The following POFUT3 variants were observed in gnomAD, a reference collection of about 807,000 sequenced individuals.
POFUT3 encodes GDP-fucose protein O-fucosyltransferase 3.
the POFUT3 span, among the ~76,000 whole-genome samples, chr8:33,386,772 C>T: frequency 1.3e-5 from 2 of 152,018 alleles, no homozygotes; most frequent in African/African-American, 2.4e-5. Context: ...ATCACGCCAC[C>T]GCACTCCAGC....
At chr8:33,371,329 A>G in the POFUT3 span, 1 of 152,248 alleles carries the variant, frequency 6.6e-6, no homozygotes, top group Non-Finnish European at 1.5e-5. Context: ...AAGCCCAGCC[A>G]GAGCTACCTA....
chr8:33,345,267 T>C, the POFUT3 span, among the ~76,000 whole-genome samples: 1 of 152,182 alleles, frequency 6.6e-6, no homozygotes, highest in Non-Finnish European at 1.5e-5. Flanking sequence ...TATAGGGTGA[T>C]TCAGACACTA....
At chr8:33,339,620 T>C in the POFUT3 span, among the ~76,000 whole-genome samples, 4 of 152,150 alleles carry the variant, frequency 2.6e-5, no homozygotes, top group Admixed American at 2.0e-4. Flanking sequence ...CATCAAGACA[T>C]ATCACATCAT....
chr8:33,399,659 T>TTTA, the POFUT3 span, among the ~76,000 whole-genome samples: 3 of 138,516 alleles, frequency 2.2e-5, no homozygotes, highest in South Asian at 5.8e-4. Context: ...CTTTTATTTA[T>TTTA]TTGTTTTTTT....
the POFUT3 span, among the ~76,000 whole-genome samples, chr8:33,393,763 T>C: frequency 6.6e-6 from 1 of 152,236 alleles, no homozygotes; most frequent in Non-Finnish European, 1.5e-5. Flanking sequence ...TTCCATGGAA[T>C]GACATTCTTG....
chr8:33,357,685 ATGCACATACACG>A, the POFUT3 span, among the ~76,000 whole-genome samples: 1 of 151,740 alleles, frequency 6.6e-6, no homozygotes, highest in Non-Finnish European at 1.5e-5. Context: ...TTTGTTGTGC[ATGCACATACACG>A]TGCACATACA....
At chr8:33,367,380 G>A in the POFUT3 span, among the ~76,000 whole-genome samples, 2,387 of 152,212 alleles carry the variant, frequency 0.016, 22 homozygotes, top group Non-Finnish European at 0.023. Flanking sequence ...CCTTTAATTC[G>A]GCCCATCCCT....
chr8:33,399,859 C>T, the POFUT3 span, among the ~76,000 whole-genome samples: 4 of 151,524 alleles, frequency 2.6e-5, no homozygotes, highest in South Asian at 2.1e-4. Flanking sequence ...TCACCATGTT[C>T]GTCAGGCTGG....
chr8:33,416,322 G>A, the POFUT3 span, among the ~76,000 whole-genome samples: 1 of 152,216 alleles, frequency 6.6e-6, no homozygotes, highest in Non-Finnish European at 1.5e-5. Flanking sequence ...AATAGTATGG[G>A]CCAGGTGCAG....
At chr8:33,397,949 A>G in the POFUT3 span, among the ~76,000 whole-genome samples, 1 of 152,236 alleles carries the variant, frequency 6.6e-6, no homozygotes, top group African/African-American at 2.4e-5. Context: ...ACTGAGTCCT[A>G]TTATTTGAAA....
At chr8:33,445,468 TA>T in the POFUT3 span, among the ~76,000 whole-genome samples, 8 of 152,156 alleles carry the variant, frequency 5.3e-5, no homozygotes, top group Admixed American at 5.2e-4. Flanking sequence ...GAATGGGTCA[TA>T]GATATGTCAC....
the POFUT3 span, among the ~76,000 whole-genome samples, chr8:33,380,050 C>CTATATATAT: frequency 2.1e-5 from 1 of 48,724 alleles, no homozygotes; most frequent in African/African-American, 1.6e-4. Context: ...GATATATATA[C>CTATATATAT]ACTATATATA....
the POFUT3 span, among the ~76,000 whole-genome samples, chr8:33,347,477 A>G: frequency 6.6e-6 from 1 of 152,244 alleles, no homozygotes; most frequent in Non-Finnish European, 1.5e-5. Context: ...AATATTACTC[A>G]TGCTTGTTGC....
chr8:33,438,198 G>A, the POFUT3 span, among the ~76,000 whole-genome samples: 2 of 152,274 alleles, frequency 1.3e-5, no homozygotes, highest in Admixed American at 1.3e-4. Context: ...AAGTCAAGGG[G>A]TTAAATAAAT....
At chr8:33,371,534 A>C in the POFUT3 span, 1 of 152,226 alleles carries the variant, frequency 6.6e-6, no homozygotes, top group Non-Finnish European at 1.5e-5. Context: ...ATGACACAAC[A>C]GTGGCAACAG....
the POFUT3 span, among the ~76,000 whole-genome samples, chr8:33,431,371 A>C: frequency 6.6e-6 from 1 of 151,210 alleles, no homozygotes; most frequent in Non-Finnish European, 1.5e-5. Flanking sequence ...ATATGGTGAG[A>C]CCCAGTGTCT....
At chr8:33,368,042 A>C in the POFUT3 span, among the ~76,000 whole-genome samples, 3 of 152,218 alleles carry the variant, frequency 2.0e-5, no homozygotes, top group African/African-American at 7.2e-5. Flanking sequence ...CCTAATGCTC[A>C]AAATGCCCTT....
At chr8:33,381,306 T>C in the POFUT3 span, among the ~76,000 whole-genome samples, 194 of 152,340 alleles carry the variant, frequency 1.3e-3, 2 homozygotes, top group Non-Finnish European at 2.4e-4. Flanking sequence ...TTTTAGTCTT[T>C]CGTACTAAAT....
chr8:33,424,028 A>T, the POFUT3 span, among the ~76,000 whole-genome samples: 1 of 151,752 alleles, frequency 6.6e-6, no homozygotes, highest in Non-Finnish European at 1.5e-5. Context: ...AATCCCAGCT[A>T]CTCAGGAGAC....
Sources: gnomAD v4.1 joint callset for allele counts (sites outside exome capture counted in the v4.1 genomes callset) on GRCh38, gnomAD v4.1.1 for gene constraint, MANE v1.5 for transcripts, NCBI Gene and HGNC (gene_info 2026-07-23, HGNC 2026-07-21) for gene names.